PRELID2: variants seen among roughly 807,000 people sequenced by gnomAD.
The protein encoded by PRELID2 is PRELI domain-containing protein 2.
Under a neutral mutation model 28.4 loss-of-function variants are expected in PRELID2, and 25 were observed. The ratio of observed to expected loss-of-function variants is 0.88; its 90% confidence interval spans 0.64 to 1.23. The LOEUF (loss-of-function observed/expected upper bound fraction) is 1.23. Ranked by LOEUF, PRELID2 falls within the 50% of genes most tolerant of loss-of-function variation. The pLI is 0.00. For synonymous variants in PRELID2, 76 were observed against 71.6 expected (o/e 1.06, Z -0.31); for missense variants, 201 against 214.4 (o/e 0.94, Z 0.39).
At chr5:145,422,480 T>C in the PRELID2 span, among the ~76,000 whole-genome samples, 1 of 152,346 alleles carries the variant, frequency 6.6e-6, no homozygotes, top group Admixed American at 6.5e-5. Flanking sequence ...CCCTTTACCA[T>C]TATGTAATGG....
intron 1 of PRELID2, among the ~76,000 whole-genome samples, chr5:145,743,641 C>G (rs1756903384): frequency 6.6e-6 from 1 of 152,054 alleles, no homozygotes; most frequent in African/African-American, 2.4e-5. Context: ...AGCGTGCTAC[C>G]CAGCGTGGAA....
At chr5:145,708,602 A>T (rs1050753392) in intron 1 of PRELID2, among the ~76,000 whole-genome samples, 3 of 152,108 alleles carry the variant, frequency 2.0e-5, no homozygotes, top group Non-Finnish European at 4.4e-5. Flanking sequence ...TAAACAGAAA[A>T]TTTTTTTCAA....
the PRELID2 span, among the ~76,000 whole-genome samples, chr5:145,361,640 G>C: frequency 6.6e-6 from 1 of 152,106 alleles, no homozygotes; most frequent in Non-Finnish European, 1.5e-5. Context: ...GCATATTGGA[G>C]TCTCCCAACT....
the PRELID2 span, among the ~76,000 whole-genome samples, chr5:145,290,081 A>G: frequency 1.3e-5 from 2 of 152,216 alleles, no homozygotes; most frequent in East Asian, 3.9e-4. Flanking sequence ...AATGGTGATC[A>G]TTAAAAAGTC....
At chr5:145,693,306 C>G (rs1755188101) in intron 1 of PRELID2, among the ~76,000 whole-genome samples, 1 of 151,908 alleles carries the variant, frequency 6.6e-6, no homozygotes, top group Non-Finnish European at 1.5e-5. Flanking sequence ...TGCCACGACA[C>G]CCAGTTAATT....
rs551911959 is a variant in PRELID2, at chr5:145,502,839, A to C, written n.71-29524T>G. Among the ~76,000 whole-genome samples, 6 of 130,466 alleles carry C rather than the reference A, an allele frequency of 4.6e-5. No individual in the cohort carries two copies. The South Asian group carries it at 1.6e-3, about 34-fold the overall frequency. The allele number at this position is 130,466 out of a possible 152,430, so 85.6% of individuals were successfully genotyped here. On this transcript the variant is annotated intron_variant and non_coding_transcript_variant, in intron 1 of 2. Transcript: ENST00000510259. ...AATGATTTCCTAGCTCTTGATCCCC[A>C]GAAGTTTTTTTTTTTTTCTGCCGTG... is the stretch of plus-strand genomic sequence containing the variant.
At chr5:145,257,306 A>T in the PRELID2 span, among the ~76,000 whole-genome samples, 1 of 152,136 alleles carries the variant, frequency 6.6e-6, no homozygotes, top group African/African-American at 2.4e-5. Flanking sequence ...ATATTTTATG[A>T]AAGTAGATGA....
chr5:145,723,005 A>G lies in PRELID2; in HGVS notation n.70+41926T>C, dbSNP rs1384274056. On this transcript the variant is annotated intron_variant and non_coding_transcript_variant, in intron 1 of 2. Coordinates refer to the PRELID2 transcript ENST00000510259. ...CCGATGTTACAAAAATTGTTTCAAA[A>G]CATAAAACATGAAGGAAAATTGTCA... 6.6e-5 allele frequency among the ~76,000 whole-genome samples: 10 copies of G among 152,298 alleles called. No homozygotes were observed. In the South Asian group the frequency reaches 1.7e-3, roughly 25 times the overall value.
chr5:145,441,910 C>A, the PRELID2 span, among the ~76,000 whole-genome samples: 2 of 152,172 alleles, frequency 1.3e-5, no homozygotes, highest in South Asian at 4.1e-4. Context: ...TTGCATAATG[C>A]GATTCAGACA....
At chr5:145,230,088 A>G in the PRELID2 span, 53 of 639,712 alleles carry the variant, frequency 8.3e-5, 1 homozygote, top group South Asian at 7.2e-4. Flanking sequence ...GGCCTCCTCA[A>G]TTTGCAGATC....
rs112940258 is a variant in PRELID2, at chr5:145,728,905, T to G, written n.70+36026A>C. ...ATCTGCAGAGGTCCAAAGCTTTCAT[T>G]TGCTGGCAAAATACAAGCTATCCCA... On this transcript the variant is annotated intron_variant and non_coding_transcript_variant, in intron 1 of 2. Transcript: ENST00000510259. The G allele has an allele frequency of 1.4e-3, 1,271 of 878,016 alleles. 9 individuals carry two copies. In the African/African-American group the frequency reaches 0.015, roughly 11 times the overall value. 54.4% of individuals were successfully genotyped at this position (878,016 alleles called of 1,614,324 possible). A position where few individuals can be genotyped will look rare whatever the true frequency, so the allele number is the denominator to read the frequency against.
chr5:145,651,178 A>G (rs1231209708), intron 1 of PRELID2, among the ~76,000 whole-genome samples: 1 of 152,138 alleles, frequency 6.6e-6, no homozygotes, highest in Non-Finnish European at 1.5e-5. Context: ...GCAGTCTGAG[A>G]TCGAACTGCA....
At chr5:145,616,922 A>G (rs1257637820) in intron 1 of PRELID2, among the ~76,000 whole-genome samples, 1 of 151,902 alleles carries the variant, frequency 6.6e-6, no homozygotes, top group Admixed American at 6.6e-5. Flanking sequence ...ACCATAAAAG[A>G]CGGCCACCCC....
intron 1 of PRELID2, among the ~76,000 whole-genome samples, chr5:145,828,505 C>T (rs1755355388): frequency 6.6e-6 from 1 of 152,122 alleles, no homozygotes; most frequent in Non-Finnish European, 1.5e-5. Context: ...CTCAGAAGCT[C>T]GTGCTTTACC....
intron 1 of PRELID2, among the ~76,000 whole-genome samples, chr5:145,506,719 T>C (rs192915675): frequency 1.9e-4 from 29 of 152,258 alleles, no homozygotes; most frequent in East Asian, 9.7e-4. Flanking sequence ...GGGGTAGATA[T>C]ATAATCCTAT....
At position 145,550,811 on chromosome 5, in the gene PRELID2, G is replaced by A. The variant is rs1305453686; in HGVS notation, n.71-77496C>T. Among the ~76,000 whole-genome samples, 6 of 152,044 alleles carry A rather than the reference G, an allele frequency of 3.9e-5. 1 individual carries two copies. The highest frequency in any genetic ancestry group is 7.2e-5 in the African/African-American group (3 of 41,390). On this transcript the variant is annotated intron_variant and non_coding_transcript_variant, in intron 1 of 2. Transcript: ENST00000510259. ...GCCATTTTCAAGGATTTAAATCCCAGCACAAAAGAAATAAAAAGTTTACTA... is the reference window on the plus strand; with the variant it reads ...GCCATTTTCAAGGATTTAAATCCCAACACAAAAGAAATAAAAAGTTTACTA...
intron 1 of PRELID2, among the ~76,000 whole-genome samples, chr5:145,684,360 C>T (rs1321570961): frequency 3.9e-5 from 6 of 152,168 alleles, no homozygotes; most frequent in African/African-American, 1.2e-4. Flanking sequence ...AAAAGAGATT[C>T]TTCCTCTTCC....
At chr5:145,804,787 A>T (rs763458367) in intron 4 of PRELID2, among the ~76,000 whole-genome samples, 1 of 152,196 alleles carries the variant, frequency 6.6e-6, no homozygotes, top group Non-Finnish European at 1.5e-5. Flanking sequence ...ATTACCTAGA[A>T]AAGTGTCTAT....
At chr5:145,509,669 T>A (rs1752444209) in intron 1 of PRELID2, among the ~76,000 whole-genome samples, 1 of 152,224 alleles carries the variant, frequency 6.6e-6, no homozygotes, top group Admixed American at 6.5e-5. Context: ...TCCCAAGCTC[T>A]TAGGATAGAA....
Sources: gnomAD v4.1 joint callset for allele counts (sites outside exome capture counted in the v4.1 genomes callset) on GRCh38, gnomAD v4.1.1 for gene constraint, MANE v1.5 for transcripts, NCBI Gene and HGNC (gene_info 2026-07-23, HGNC 2026-07-21) for gene names.